RAC1: variants seen among roughly 807,000 people sequenced by gnomAD.
RAC1 encodes the protein ras-related C3 botulinum toxin substrate 1.
Under a neutral mutation model 25.2 loss-of-function variants are expected in RAC1, and 2 were observed. The ratio of observed to expected loss-of-function variants is 0.08; its 90% CI spans 0.03 to 0.25. The LOEUF is 0.25. Ranked by LOEUF, RAC1 falls within the 10% of genes least tolerant of loss-of-function variation. RAC1 has a pLI of 1.00. For missense variants in RAC1, 50 were observed against 235.7 expected, an observed-to-expected ratio of 0.21 and a Z score of 5.16; for synonymous variants, 88 against 94.0, an observed-to-expected ratio of 0.94 and a Z score of 0.37.
At chr7:6,383,027 G>A (rs1782815539) in intron 1 of RAC1, among the ~76,000 whole-genome samples, 2 of 152,208 alleles carry the variant, frequency 1.3e-5, no homozygotes, top group Admixed American at 6.5e-5. Flanking sequence ...TGTAGAAATG[G>A]CATGAACTTT....
intron 2 of RAC1, among the ~76,000 whole-genome samples, chr7:6,390,821 C>T (rs1013793184): frequency 6.6e-6 from 1 of 152,066 alleles, no homozygotes; most frequent in Non-Finnish European, 1.5e-5. Context: ...AAAAAAGTCA[C>T]AATACTATTT....
intron 3 of RAC1, chr7:6,398,818 G>A (rs1783319022): frequency 2.6e-6 from 3 of 1,133,714 alleles, no homozygotes; most frequent in Admixed American, 4.2e-5. Flanking sequence ...AGCTCCTTGA[G>A]TGTTTTATAT....
chr7:6,391,816 C>A, intron 2 of RAC1, 108 bp from the exon 3 acceptor site: 2 of 1,523,598 alleles, frequency 1.3e-6, no homozygotes, highest in East Asian at 2.3e-5. Flanking sequence ...GGTGTGGCAG[C>A]CTCCAGGCCC....
At position 6,402,467 on chromosome 7, in the gene RAC1, T is replaced by A. The variant is rs866033200; in HGVS notation, c.*21T>A. 7.0e-7 allele frequency: 1 copy of A among 1,433,112 alleles called. No homozygotes were observed. Among genetic ancestry groups the A allele is most frequent in the Non-Finnish European group, 9.2e-7 (1 of 1,085,922 alleles). 88.8% of individuals were successfully genotyped at this position (1,433,112 alleles called of 1,614,324 possible). A position where few individuals can be genotyped will look rare whatever the true frequency, so the allele number is the denominator to read the frequency against. Reference sequence around the variant, plus strand: ...TGTAAATGTCTCAGCCCCTCGTTCTTGGTCCTGTCCCTTGGAACCTTTGTA... The same window carrying A: ...TGTAAATGTCTCAGCCCCTCGTTCTAGGTCCTGTCCCTTGGAACCTTTGTA... On this transcript the variant is annotated 3_prime_UTR_variant, in exon 6 of 6. Transcript: ENST00000348035.
At position 6,376,176 on chromosome 7, in the gene RAC1, C is replaced by CTTTTTTTTTTT. The variant is rs747387468; in HGVS notation, c.35+1420_35+1430dup. Among the ~76,000 whole-genome samples the CTTTTTTTTTTT allele has an allele frequency of 4.4e-4, 29 of 65,514 alleles. 3 individuals carry two copies. Among genetic ancestry groups the CTTTTTTTTTTT allele is most frequent in the East Asian group, 1.7e-3 (3 of 1,818 alleles). The allele number at this position is 65,514 out of a possible 152,430, so 43.0% of individuals were successfully genotyped here. ...TATTAGAGTATGTAGGCTATTCAGG[C>CTTTTTTTTTTT]TTTTTTTTTTTTTTTTTTTTTTTTG... is the stretch of plus-strand genomic sequence containing the variant. On this transcript the variant is annotated intron_variant, in intron 1 of 5. Transcript: ENST00000348035.
At chr7:6,398,599 T>C in intron 3 of RAC1, 1 of 1,374,952 alleles carries the variant, frequency 7.3e-7, no homozygotes, top group Non-Finnish European at 1.0e-6. Context: ...GATAAGAGGT[T>C]ATATTGATTT....
intron 3 of RAC1, chr7:6,398,761 G>C (rs374382983): frequency 6.4e-7 from 1 of 1,573,310 alleles, no homozygotes; most frequent in Non-Finnish European, 8.7e-7. Context: ...AGCTTTCTCT[G>C]TTCTCTCATT....
Position 6,402,458 on chromosome 7 carries a change from C to T in RAC1, c.*12C>T, listed in dbSNP as rs2115219074. 4.7e-6 allele frequency: 7 copies of T among 1,500,476 alleles called. No individual in the cohort carries two copies. Among genetic ancestry groups the T allele is most frequent in the South Asian group, 1.2e-5 (1 of 85,592 alleles). 92.9% of individuals were successfully genotyped at this position (1,500,476 alleles called of 1,614,324 possible). A position where few individuals can be genotyped will look rare whatever the true frequency, so the allele number is the denominator to read the frequency against. The stretch of plus-strand genomic sequence containing the variant: ...GCCTGCTGTTGTAAATGTCTCAGCC[C>T]CTCGTTCTTGGTCCTGTCCCTTGGA... On this transcript the variant is annotated 3_prime_UTR_variant, in exon 6 of 6. Transcript: ENST00000348035.
chr7:6,383,656 A>T (rs1237401250), intron 1 of RAC1, among the ~76,000 whole-genome samples: 2 of 152,132 alleles, frequency 1.3e-5, no homozygotes, highest in Admixed American at 1.3e-4. Flanking sequence ...CCTCATATAC[A>T]TAGAGACTTA....
At chr7:6,383,189 G>A (rs1782821685) in intron 1 of RAC1, among the ~76,000 whole-genome samples, 1 of 152,194 alleles carries the variant, frequency 6.6e-6, no homozygotes, top group Non-Finnish European at 1.5e-5. Context: ...AAGACTTGTG[G>A]CCAAATACGG....
chr7:6,390,247 T>C (rs940600711), intron 2 of RAC1, among the ~76,000 whole-genome samples: 1 of 151,810 alleles, frequency 6.6e-6, no homozygotes, highest in African/African-American at 2.4e-5. Flanking sequence ...CAGTCTGTCA[T>C]TTGTCTTTGT....
rs767081694 is a variant in RAC1, at chr7:6,402,497, T to G, written c.*51T>G. On this transcript the variant is annotated 3_prime_UTR_variant, in exon 6 of 6. Coordinates refer to ENST00000348035, the MANE Select transcript of RAC1 (RefSeq NM_006908.5). ...CTGTCCCTTGGAACCTTTGTACGCT[T>G]TGCTCAAAAAAAAACAAAAAAAAAA... 5.6e-6 allele frequency: 4 copies of G among 710,038 alleles called. No homozygotes were observed. The highest frequency in any genetic ancestry group is 8.0e-5 in the Admixed American group (1 of 12,486). 44.0% of individuals were successfully genotyped at this position (710,038 alleles called of 1,614,324 possible). A position where few individuals can be genotyped will look rare whatever the true frequency, so the allele number is the denominator to read the frequency against.
intron 1 of RAC1, among the ~76,000 whole-genome samples, chr7:6,376,166 G>T (rs566746176): frequency 5.2e-5 from 7 of 134,400 alleles, no homozygotes; most frequent in African/African-American, 1.7e-4. Flanking sequence ...GAGTATGTAG[G>T]CTATTCAGGC....
At chr7:6,389,110 G>A (rs1246799572) in intron 2 of RAC1, among the ~76,000 whole-genome samples, 1 of 151,768 alleles carries the variant, frequency 6.6e-6, no homozygotes, top group Non-Finnish European at 1.5e-5. Context: ...GCTGAGGCAT[G>A]AGAATTGCTT....
At chr7:6,400,800 C>T (rs1013366054) in intron 4 of RAC1, among the ~76,000 whole-genome samples, 19 of 151,748 alleles carry the variant, frequency 1.3e-4, no homozygotes, top group African/African-American at 4.4e-4. Flanking sequence ...CTCAGCCTCC[C>T]GAGTAACTGG....
intron 3 of RAC1, among the ~76,000 whole-genome samples, chr7:6,395,513 C>T (rs1206741150): frequency 1.3e-5 from 2 of 152,068 alleles, no homozygotes; most frequent in Admixed American, 1.3e-4. Flanking sequence ...TCTTACTGGC[C>T]GGGAGCAGGG....
intron 3 of RAC1, among the ~76,000 whole-genome samples, chr7:6,397,288 G>T (rs1199299238): frequency 1.4e-5 from 2 of 147,370 alleles, no homozygotes; most frequent in Admixed American, 1.4e-4. Flanking sequence ...TGAGTGAGAT[G>T]AAATTAAAAT....
chr7:6,389,577 G>A (rs532290937), intron 2 of RAC1, among the ~76,000 whole-genome samples: 5 of 152,098 alleles, frequency 3.3e-5, no homozygotes, highest in African/African-American at 9.6e-5. Flanking sequence ...CTATTCGGGA[G>A]GCTGAGGCAG....
intron 3 of RAC1, among the ~76,000 whole-genome samples, chr7:6,395,325 CTG>C (rs1437401950): frequency 1.3e-5 from 2 of 152,050 alleles, no homozygotes; most frequent in African/African-American, 4.8e-5. Context: ...AAAAGAAAAA[CTG>C]TGGTGTTCAG....
Sources: gnomAD v4.1 joint callset for allele counts (sites outside exome capture counted in the v4.1 genomes callset) on GRCh38, gnomAD v4.1.1 for gene constraint, MANE v1.5 for transcripts, NCBI Gene and HGNC (gene_info 2026-07-23, HGNC 2026-07-21) for gene names.